The following POLN variants were observed in gnomAD, a reference collection of about 807,000 sequenced individuals.
POLN encodes DNA polymerase nu.
POLN carries 108 observed loss-of-function variants against 113.5 expected under a neutral mutation model. The observed-to-expected ratio is 0.95, with a 90% CI of 0.81 to 1.12. The LOEUF is 1.12. POLN is among the 50% of genes most tolerant of loss of function. The probability of loss-of-function intolerance (pLI) is 0.00; values close to 1 mark genes in which losing one functional copy is unlikely to be tolerated. For missense variants in POLN, 1,097 were observed against 1,077.1 expected (o/e 1.02, Z -0.26); for synonymous variants, 386 against 391.5 (o/e 0.99, Z 0.17).
intron 5 of POLN, among the ~76,000 whole-genome samples, chr4:2,205,029 C>G (rs528427218): frequency 6.6e-6 from 1 of 152,280 alleles, no homozygotes; most frequent in African/African-American, 2.4e-5. Flanking sequence ...AGAACTGGAA[C>G]AAGACAAGGA....
At chr4:2,173,245 C>T (rs1732909436) in intron 11 of POLN, among the ~76,000 whole-genome samples, 1 of 152,106 alleles carries the variant, frequency 6.6e-6, no homozygotes, top group Non-Finnish European at 1.5e-5. Flanking sequence ...TTGGGGTTTC[C>T]TTTAAACATT....
At chr4:2,116,583 A>G (rs961557130) in intron 19 of POLN, among the ~76,000 whole-genome samples, 1 of 152,016 alleles carries the variant, frequency 6.6e-6, no homozygotes, top group Non-Finnish European at 1.5e-5. Context: ...ATGTTTCAGA[A>G]CATCTAATCT....
chr4:2,129,272 A>C lies in POLN; in HGVS notation c.1790-16T>G, dbSNP rs373760690. 1.6e-5 allele frequency: 24 copies of C among 1,539,414 alleles called. No individual in the cohort carries two copies. The highest frequency in any genetic ancestry group is 2.1e-5 in the Non-Finnish European group (23 of 1,112,760). On this transcript the variant is annotated splice_polypyrimidine_tract_variant and intron_variant, in intron 17 of 25. Coordinates refer to ENST00000511885, the MANE Select transcript of POLN (RefSeq NM_181808.4). ...TCTTCTTTACCTGAATTGTTATTTCAAGAGCATTTAGTGAATTTGGTCATG... is the reference window on the plus strand; with the variant it reads ...TCTTCTTTACCTGAATTGTTATTTCCAGAGCATTTAGTGAATTTGGTCATG...
At chr4:2,110,191 T>A (rs561622454) in intron 19 of POLN, among the ~76,000 whole-genome samples, 2 of 152,124 alleles carry the variant, frequency 1.3e-5, no homozygotes, top group Middle Eastern at 6.8e-3. Context: ...TTGAAACCAA[T>A]GAGAACAAAG....
chr4:2,229,260 C>T lies in POLN; in HGVS notation c.-12-17G>A, dbSNP rs1734491824. The T allele has an allele frequency of 1.9e-6, 3 of 1,559,676 alleles. No homozygotes were observed. The Admixed American group carries it at 5.8e-5, about 30-fold the overall frequency. On this transcript the variant is annotated splice_polypyrimidine_tract_variant and intron_variant, in intron 2 of 25. Coordinates refer to ENST00000511885, the MANE Select transcript of POLN (RefSeq NM_181808.4). ...CACAAAATCCTAAATGTAAGATTAA[C>T]ATAAGATAAATCCCATATATTAATC...
intron 19 of POLN, among the ~76,000 whole-genome samples, chr4:2,123,365 C>T (rs1731495246): frequency 6.6e-6 from 1 of 152,056 alleles, no homozygotes; most frequent in African/African-American, 2.4e-5. Context: ...GTGGCTCACA[C>T]CTGTAATCCC....
intron 25 of POLN, 96 bp downstream of exon 25, chr4:2,072,872 G>T: frequency 7.5e-7 from 1 of 1,341,436 alleles, no homozygotes; most frequent in Non-Finnish European, 1.1e-6. Flanking sequence ...TCGGGGCTGG[G>T]GCTGCACCCT....
At chr4:2,154,699 TTATGGTATTGCTATTGAAGTTTG>T (rs1389059901) in intron 16 of POLN, among the ~76,000 whole-genome samples, 3 of 152,214 alleles carry the variant, frequency 2.0e-5, no homozygotes, top group Non-Finnish European at 2.9e-5. Context: ...ATGGTATTGG[TTATGGTATTGCTATTGAAGTTTG>T]TATGGTATTG....
intron 23 of POLN, chr4:2,079,609 CAG>C: frequency 1.0e-6 from 1 of 984,980 alleles, no homozygotes; most frequent in Non-Finnish European, 1.2e-6. Flanking sequence ...TTCTGTTAGA[CAG>C]AGTCTTGCTC....
intron 2 of POLN, among the ~76,000 whole-genome samples, chr4:2,237,426 A>G (rs1463976541): frequency 6.6e-6 from 1 of 151,914 alleles, no homozygotes; most frequent in Admixed American, 6.6e-5. Flanking sequence ...AGAGAGTGAG[A>G]CCTTGTCTTA....
chr4:2,235,452 C>T (rs1366754565), intron 2 of POLN, among the ~76,000 whole-genome samples: 1 of 152,188 alleles, frequency 6.6e-6, no homozygotes, highest in East Asian at 1.9e-4. Context: ...GCAGTATGAT[C>T]TATAGTAACA....
intron 7 of POLN, among the ~76,000 whole-genome samples, chr4:2,192,751 T>C (rs1733482662): frequency 6.6e-6 from 1 of 151,808 alleles, no homozygotes; most frequent in Non-Finnish European, 1.5e-5. Flanking sequence ...GAGGATGGCT[T>C]GAGGCCAGCA....
intron 19 of POLN, among the ~76,000 whole-genome samples, chr4:2,102,765 ATACC>A (rs1030051617): frequency 1.5e-4 from 23 of 152,300 alleles, no homozygotes; most frequent in African/African-American, 5.3e-4. Context: ...GCCTCCACCA[ATACC>A]TACACCCTAA....
rs1158990317 is a variant in POLN at position 2,105,196 on chromosome 4, C to A, written c.1983-9263G>T. Among the ~76,000 whole-genome samples the A allele has an allele frequency of 2.6e-5, 4 of 152,222 alleles. 1 individual carries two copies. In the South Asian group the frequency reaches 6.2e-4, roughly 24 times the overall value. ...CTGCTGCTGGCCCCCAATTGCCCCACTGGGACTCCCACGTCTAGTCCATCT... is the reference window on the plus strand; with the variant it reads ...CTGCTGCTGGCCCCCAATTGCCCCAATGGGACTCCCACGTCTAGTCCATCT... On this transcript the variant is annotated intron_variant, in intron 19 of 25. Coordinates refer to ENST00000511885, the MANE Select transcript of POLN (RefSeq NM_181808.4).
At chr4:2,190,923 G>A (rs9993758) in intron 7 of POLN, among the ~76,000 whole-genome samples, 37,396 of 151,924 alleles carry the variant, frequency 0.25, 7,083 homozygotes, top group African/African-American at 0.51. Context: ...ACTATTGGTA[G>A]GAAAGTAAAT....
chr4:2,100,471 A>G (rs1332273313), intron 19 of POLN, among the ~76,000 whole-genome samples: 1 of 152,248 alleles, frequency 6.6e-6, no homozygotes. Context: ...GGAAGGGGGC[A>G]TTAAAAGACA....
At chr4:2,162,295 G>A (rs948023220) in intron 13 of POLN, among the ~76,000 whole-genome samples, 6 of 152,120 alleles carry the variant, frequency 3.9e-5, no homozygotes, top group African/African-American at 1.2e-4. Context: ...CTCCAGACGC[G>A]CCGCCTTAAG....
chr4:2,169,208 C>T (rs1447038169), intron 13 of POLN, among the ~76,000 whole-genome samples: 3 of 152,152 alleles, frequency 2.0e-5, no homozygotes, highest in East Asian at 1.9e-4. Flanking sequence ...CCTGGGGATA[C>T]GCTCTGCAGC....
rs568843725 is a variant in POLN at position 2,162,416 on chromosome 4, C to T, written c.1555-3205G>A. ...ACATCCGAACATCAGAAGGAACAAA[C>T]TCCAGACGCGCCACCTTAAGAGCTA... On this transcript the variant is annotated intron_variant, in intron 13 of 25. Transcript: ENST00000511885. 2.4e-3 allele frequency among the ~76,000 whole-genome samples: 360 copies of T among 152,276 alleles called. 1 individual carries two copies. Among genetic ancestry groups the T allele is most frequent in the Middle Eastern group, 0.014 (4 of 294 alleles).
Sources: allele counts gnomAD v4.1 joint callset (sites outside exome capture counted in the v4.1 genomes callset), GRCh38; gene constraint gnomAD v4.1.1; transcripts MANE v1.5; gene names NCBI Gene and HGNC (gene_info 2026-07-23, HGNC 2026-07-21).